MOK: variants seen among roughly 807,000 people sequenced by gnomAD.
The protein encoded by MOK is MOK protein kinase.
In MOK, 59 loss-of-function variants were observed where a neutral mutation model predicts 54.2. The observed-to-expected ratio is 1.09, with a 90% CI of 0.88 to 1.35. The LOEUF (loss-of-function observed/expected upper bound fraction) is 1.35, where lower values mean the gene tolerates loss of function less well. Among genes scored for constraint, MOK ranks in the 40% most tolerant of loss-of-function variants. The pLI is 0.00. For missense variants in MOK, 517 were observed against 526.2 expected (o/e 0.98, Z 0.17); for synonymous variants, 210 against 202.7 (o/e 1.04, Z -0.31).
At chr14:102,267,383 T>C (rs1049412683) in intron 2 of MOK, among the ~76,000 whole-genome samples, 28 of 152,134 alleles carry the variant, frequency 1.8e-4, no homozygotes, top group African/African-American at 6.3e-4. Context: ...CTGGCCAACA[T>C]GGTGAAACCC....
chr14:102,283,392 A>G, intron 2 of MOK, 86 bp downstream of exon 2: 1 of 781,282 alleles, frequency 1.3e-6, no homozygotes, highest in African/African-American at 1.8e-5. Flanking sequence ...TTATTAAATT[A>G]ATAAAGCTCC....
chr14:102,282,621 C>G (rs1597531484), intron 2 of MOK, among the ~76,000 whole-genome samples: 1 of 152,006 alleles, frequency 6.6e-6, no homozygotes, highest in Admixed American at 6.6e-5. Context: ...GTGGTCCCAG[C>G]TACTCAGGAG....
rs2064928578 is a variant in MOK at position 102,233,455 on chromosome 14, G to A, written c.692+233C>T. On this transcript the variant is annotated intron_variant, in intron 8 of 11. Transcript: ENST00000361847. ...AGCCTGACTCCCCAGCCCTCAGAAAGCCTGTGACAAATCTTTCTGTGATGC... is the reference window on the plus strand; with the variant it reads ...AGCCTGACTCCCCAGCCCTCAGAAAACCTGTGACAAATCTTTCTGTGATGC... 24 of 507,832 alleles carry A rather than the reference G, an allele frequency of 4.7e-5. No individual in the cohort carries two copies. The South Asian group carries it at 5.1e-4, about 11-fold the overall frequency. The allele number at this position is 507,832 out of a possible 1,614,324, so 31.5% of individuals were successfully genotyped here.
At chr14:102,224,036 G>GTT (rs1184725386), downstream of MOK, among the ~76,000 whole-genome samples, 66 of 139,490 alleles carry the variant, frequency 4.7e-4, no homozygotes, top group African/African-American at 1.1e-3. Context: ...GTTTACCTGA[G>GTT]ATTTTTTTTT....
At position 102,270,922 on chromosome 14, in the gene MOK, T is replaced by C. The variant is rs150037739; in HGVS notation, c.123-5010A>G. Reference sequence around the variant, plus strand: ...AAATTATACTTCAGGCTGGGCACAGTGGCTCACGCCTATAATCCCAACACT... The same window carrying C: ...AAATTATACTTCAGGCTGGGCACAGCGGCTCACGCCTATAATCCCAACACT... On this transcript the variant is annotated intron_variant, in intron 2 of 11. Coordinates refer to ENST00000361847, the MANE Select transcript of MOK (RefSeq NM_014226.3). 7.0e-3 allele frequency among the ~76,000 whole-genome samples: 1,073 copies of C among 152,230 alleles called. 15 individuals are homozygous for C. Among genetic ancestry groups the C allele is most frequent in the African/African-American group, 0.024 (1,012 of 41,534 alleles).
At chr14:102,290,715 C>T (rs1027808043) in intron 1 of MOK, among the ~76,000 whole-genome samples, 5 of 152,130 alleles carry the variant, frequency 3.3e-5, no homozygotes, top group African/African-American at 1.2e-4. Flanking sequence ...AAACTGAGTA[C>T]TACAAAACAC....
chr14:102,216,167 T>G, the MOK span, among the ~76,000 whole-genome samples: 1 of 152,178 alleles, frequency 6.6e-6, no homozygotes, highest in East Asian at 1.9e-4. Context: ...GAGCCTCCAG[T>G]GCTGAACTAT....
In MOK at chr14:102,291,076, C is replaced by T. The variant is rs536692716; in HGVS notation, c.8-7484G>A. Among the ~76,000 whole-genome samples, 7 of 152,312 alleles carry T rather than the reference C, an allele frequency of 4.6e-5. No individual in the cohort carries two copies. In the East Asian group the frequency reaches 1.3e-3, roughly 29 times the overall value. ...ACTATTCTGCTAGCTTTATTGTTCT[C>T]ACTTGCCTTCTGGGAGAAACTGGCT... is the stretch of plus-strand genomic sequence containing the variant. On this transcript the variant is annotated intron_variant, in intron 1 of 11. Transcript: ENST00000361847.
chr14:102,261,691 G>A (rs151267532), intron 4 of MOK, among the ~76,000 whole-genome samples: 2,044 of 150,692 alleles, frequency 0.014, 22 homozygotes, highest in South Asian at 0.021. Flanking sequence ...ATGCCACCAC[G>A]CCCGGCTAAT....
intron 1 of MOK, among the ~76,000 whole-genome samples, chr14:102,294,799 G>A (rs1265703620): frequency 6.6e-6 from 1 of 152,156 alleles, no homozygotes; most frequent in African/African-American, 2.4e-5. Context: ...ACTGTGAACT[G>A]TAAAGTGGTT....
At chr14:102,257,104 G>A (rs1041138776) in intron 4 of MOK, among the ~76,000 whole-genome samples, 1 of 150,734 alleles carries the variant, frequency 6.6e-6, no homozygotes, top group South Asian at 2.1e-4. Context: ...CCCCCATCTA[G>A]CATGCCAGGC....
intron 1 of MOK, among the ~76,000 whole-genome samples, chr14:102,294,174 C>A (rs145697952): frequency 1.3e-5 from 2 of 150,584 alleles, no homozygotes; most frequent in African/African-American, 2.5e-5. Flanking sequence ...AGGCCGGGTG[C>A]GGTGGCTCAT....
rs2065213801 is a variant in MOK at position 102,236,262 on chromosome 14, C to A, written c.591-2473G>T. ...CCCCCGGCCCCATCTGCCATCACTG[C>A]ATTGGAGCCCAGGGTAACTCTGCGA... On this transcript the variant is annotated intron_variant, in intron 7 of 11. Transcript: ENST00000361847. This position sits in a 1 kb window ranked among gnomAD's most constrained non-coding sequence, Gnocchi z 4.5. 6.6e-6 allele frequency among the ~76,000 whole-genome samples: 1 copy of A among 152,236 alleles called. No individual in the cohort carries two copies. The highest frequency in any genetic ancestry group is 2.1e-4 in the South Asian group (1 of 4,834).
At chr14:102,298,745 T>C (rs1401541536) in intron 1 of MOK, among the ~76,000 whole-genome samples, 1 of 152,196 alleles carries the variant, frequency 6.6e-6, no homozygotes, top group Non-Finnish European at 1.5e-5. Context: ...GTGGAAGCTT[T>C]GTTCTTTCAC....
At chr14:102,299,733 G>T (rs1391174037) in intron 1 of MOK, among the ~76,000 whole-genome samples, 2 of 151,996 alleles carry the variant, frequency 1.3e-5, no homozygotes, top group Admixed American at 1.3e-4. Context: ...CCACAGGCAT[G>T]CACTGCCATG....
chr14:102,276,865 C>G (rs1437842359), intron 2 of MOK, among the ~76,000 whole-genome samples: 1 of 151,578 alleles, frequency 6.6e-6, no homozygotes, highest in Admixed American at 6.6e-5. Context: ...TGTTGTTTTT[C>G]TGAGACAGGG....
At chr14:102,233,654 G>A (rs1012151449) in intron 8 of MOK, 34 bp downstream of exon 8, 1 of 1,570,144 alleles carries the variant, frequency 6.4e-7, no homozygotes, top group South Asian at 1.1e-5. Context: ...GCAGGGGAGT[G>A]GGTCCACATC....
chr14:102,270,037 A>C (rs1197029103), intron 2 of MOK, among the ~76,000 whole-genome samples: 1 of 152,234 alleles, frequency 6.6e-6, no homozygotes, highest in African/African-American at 2.4e-5. Flanking sequence ...CCATAAGGTA[A>C]GTCTCAATAC....
chr14:102,251,978 A>G lies in MOK; in HGVS notation c.301T>C (p.Ser101Pro), dbSNP rs1284806277. Residue 101 changes from serine (S) to proline (P), a missense_variant, in exon 5 of 12, where the codon TCA (serine) becomes CCA (proline). By Grantham distance (74) the Ser-to-Pro change is moderately conservative (BLOSUM62 -1). Transcript: ENST00000361847. ...ATATAGTGCATAATTTTTTTTTCTG[A>G]TAATGGGTATCTTCTCCCTGTACAA... ...ELIRGRRYPL[S>P]EKKIMHYMYQ... 15 of 1,593,760 alleles carry G rather than the reference A, an allele frequency of 9.4e-6. No homozygotes were observed. The highest frequency in any genetic ancestry group is 1.3e-5 in the Non-Finnish European group (15 of 1,162,482).
Sources: allele counts gnomAD v4.1 joint callset (sites outside exome capture counted in the v4.1 genomes callset), GRCh38; gene constraint gnomAD v4.1.1; non-coding constraint Gnocchi (gnomAD v3.1); transcripts MANE v1.5; gene names NCBI Gene and HGNC (gene_info 2026-07-23, HGNC 2026-07-21).